The following NAV2 variants were observed in gnomAD, a reference collection of about 807,000 sequenced individuals.
NAV2 encodes the protein helicase, APC down-regulated 1.
A neutral mutation model predicts 223.2 loss-of-function variants in NAV2; 54 were observed. That is an observed-to-expected ratio of 0.24 (90% CI 0.19 to 0.30). NAV2 has a LOEUF of 0.30. Ranked by LOEUF, NAV2 falls within the 10% of genes least tolerant of loss-of-function variation. NAV2 has a pLI of 1.00. For synonymous variants in NAV2, 1,279 were observed against 1,239.3 expected, an observed-to-expected ratio of 1.03 and a Z score of -0.67; for missense variants, 2,806 against 3,147.5, an observed-to-expected ratio of 0.89 and a Z score of 2.60.
chr11:19,727,163 G>C (rs2051324433), intron 1 of NAV2, among the ~76,000 whole-genome samples: 1 of 152,314 alleles, frequency 6.6e-6, no homozygotes, highest in Non-Finnish European at 1.5e-5. Flanking sequence ...GCAGAGGGAA[G>C]GGAAACCCAG....
rs370526424 is a variant in NAV2 at position 19,621,430 on chromosome 11, G to A, written c.76-211054G>A. On this transcript the variant is annotated intron_variant, in intron 1 of 37. Coordinates refer to the NAV2 transcript ENST00000360655. ...AGCTAGTAATTATTGCCTCAATTTC[G>A]GAGCCTGTTATTGGTCTATTCAGAG... Among the ~76,000 whole-genome samples, 31 of 152,148 alleles carry A rather than the reference G, an allele frequency of 2.0e-4. 1 individual carries two copies. Among genetic ancestry groups the A allele is most frequent in the African/African-American group, 4.8e-4 (20 of 41,540 alleles).
At chr11:19,898,364 T>C (rs1157456599) in intron 6 of NAV2, among the ~76,000 whole-genome samples, 1 of 152,224 alleles carries the variant, frequency 6.6e-6, no homozygotes, top group Non-Finnish European at 1.5e-5. Flanking sequence ...TTTATGCACA[T>C]ATGATCACAT....
upstream of NAV2, among the ~76,000 whole-genome samples, chr11:19,350,084 T>TTTGATGATGATGATG: frequency 5.4e-5 from 1 of 18,522 alleles, no homozygotes; most frequent in Non-Finnish European, 1.3e-4. Context: ...GCCTTATTCC[T>TTTGATGATGATGATG]CTGATGATGA....
intron 10 of NAV2, 27 bp from the exon 11 acceptor site, chr11:19,984,098 G>A (rs1229359026): frequency 4.3e-6 from 7 of 1,613,752 alleles, no homozygotes; most frequent in African/African-American, 2.7e-5. Context: ...GGACATTCAT[G>A]TGCATCATCT....
At chr11:19,677,207 C>T (rs544016773) in intron 1 of NAV2, among the ~76,000 whole-genome samples, 16 of 152,386 alleles carry the variant, frequency 1.0e-4, no homozygotes, top group Admixed American at 5.9e-4. Context: ...ATATGCCTGG[C>T]GTAATCCAAC....
chr11:19,651,268 C>T (rs2135649964), intron 1 of NAV2, among the ~76,000 whole-genome samples: 1 of 152,312 alleles, frequency 6.6e-6, no homozygotes, highest in African/African-American at 2.4e-5. Context: ...GGGAGAACGT[C>T]TTTTCTCAAG....
At chr11:19,683,280 A>G (rs190388084) in intron 1 of NAV2, among the ~76,000 whole-genome samples, 8 of 152,276 alleles carry the variant, frequency 5.3e-5, no homozygotes, top group African/African-American at 1.2e-4. Flanking sequence ...CATTTCCTCT[A>G]AACGGAATGT....
At chr11:19,818,148 T>A (rs2059194887) in intron 1 of NAV2, among the ~76,000 whole-genome samples, 1 of 151,908 alleles carries the variant, frequency 6.6e-6, no homozygotes, top group African/African-American at 2.4e-5. Context: ...ACAAAGAGAT[T>A]TCCAGTTTGG....
chr11:19,362,169 G>A (rs2133796398), intron 1 of NAV2, among the ~76,000 whole-genome samples: 1 of 152,236 alleles, frequency 6.6e-6, no homozygotes. Context: ...CTTTACAGAT[G>A]GGAAAGTAAA....
At chr11:19,949,134 G>A in intron 10 of NAV2, 54 bp downstream of exon 10, 1 of 1,520,012 alleles carries the variant, frequency 6.6e-7, no homozygotes, top group South Asian at 1.3e-5. Context: ...TTGGCACCTG[G>A]CTTCTCTTTT....
At chr11:19,353,357 T>C (rs1405305907) in intron 1 of NAV2, among the ~76,000 whole-genome samples, 1 of 152,208 alleles carries the variant, frequency 6.6e-6, no homozygotes, top group Non-Finnish European at 1.5e-5. Context: ...GGGGGTTTCA[T>C]GTGGATGAAA....
intron 1 of NAV2, among the ~76,000 whole-genome samples, chr11:19,426,780 C>G (rs529491803): frequency 6.6e-6 from 1 of 151,992 alleles, no homozygotes; most frequent in Admixed American, 6.5e-5. Context: ...AAATTTATGT[C>G]TCTCTTGAGG....
At chr11:20,076,007 C>G (rs1276788987) in intron 22 of NAV2, among the ~76,000 whole-genome samples, 1 of 152,176 alleles carries the variant, frequency 6.6e-6, no homozygotes, top group East Asian at 1.9e-4. Flanking sequence ...TTCTCATTCC[C>G]AAACCTCCTT....
intron 36 of NAV2, 113 bp downstream of exon 36, chr11:20,107,895 C>A: frequency 1.3e-6 from 1 of 757,538 alleles, no homozygotes; most frequent in Non-Finnish European, 2.3e-6. Context: ...GGTGACAACC[C>A]CTCACCTGGG....
intron 22 of NAV2, among the ~76,000 whole-genome samples, chr11:20,074,287 G>A (rs536170086): frequency 1.3e-5 from 2 of 152,300 alleles, no homozygotes; most frequent in South Asian, 2.1e-4. Context: ...ATTGCACTGT[G>A]GTCTGAGAGT....
At chr11:19,461,906 A>G (rs1852178870) in intron 1 of NAV2, among the ~76,000 whole-genome samples, 1 of 152,190 alleles carries the variant, frequency 6.6e-6, no homozygotes, top group African/African-American at 2.4e-5. Flanking sequence ...CCCGGATTCC[A>G]GCAATTCTCC....
rs528322855 is a variant in NAV2, at chr11:20,064,958, G to T, written c.4884+2599G>T. Among the ~76,000 whole-genome samples the T allele has an allele frequency of 3.1e-4, 47 of 152,196 alleles. 1 individual carries two copies. The highest frequency in any genetic ancestry group is 5.6e-4 in the Non-Finnish European group (38 of 68,004). Reference sequence around the variant, plus strand: ...GCCCCTACAATCTCTGACATTCCATGAGTCATGGAGTCAAAGGCTCCCATT... The same window carrying T: ...GCCCCTACAATCTCTGACATTCCATTAGTCATGGAGTCAAAGGCTCCCATT... On this transcript the variant is annotated intron_variant, in intron 20 of 37. Coordinates refer to ENST00000349880, the MANE Select transcript of NAV2 (RefSeq NM_145117.5).
intron 1 of NAV2, among the ~76,000 whole-genome samples, chr11:19,797,171 G>A (rs534891189): frequency 6.6e-6 from 1 of 152,274 alleles, no homozygotes; most frequent in African/African-American, 2.4e-5. Context: ...GCCAGAATCA[G>A]AGAGCAGCTA....
chr11:19,818,273 A>G (rs1182002823), intron 1 of NAV2, among the ~76,000 whole-genome samples: 4 of 105,346 alleles, frequency 3.8e-5, no homozygotes, highest in African/African-American at 1.5e-4. Context: ...ACTCCATCTC[A>G]CCTGTCTATA....
Sources: allele counts gnomAD v4.1 joint callset (sites outside exome capture counted in the v4.1 genomes callset), GRCh38; gene constraint gnomAD v4.1.1; transcripts MANE v1.5; gene names NCBI Gene and HGNC (gene_info 2026-07-23, HGNC 2026-07-21).